Variants in NUF2 observed in about 807,000 individuals in gnomAD.
NUF2 encodes the protein kinetochore protein Nuf2.
NUF2 carries 34 observed loss-of-function variants against 61.8 expected under a neutral mutation model. The ratio of observed to expected loss-of-function variants is 0.55; its 90% CI spans 0.42 to 0.73. The LOEUF is 0.73. Ranked by LOEUF, NUF2 falls within the 30% of genes least tolerant of loss-of-function variation. The pLI is 0.00. For missense variants in NUF2, 445 were observed against 539.1 expected (o/e 0.83, Z 1.73); for synonymous variants, 172 against 181.6 (o/e 0.95, Z 0.42).
chr1:163,351,892 T>C (rs1483216112), intron 13 of NUF2, among the ~76,000 whole-genome samples: 1 of 152,224 alleles, frequency 6.6e-6, no homozygotes, highest in Non-Finnish European at 1.5e-5. Flanking sequence ...TTCTTTCCCA[T>C]AGATAATTTA....
At position 163,355,606 on chromosome 1, in the gene NUF2, G is replaced by A. The variant is rs1571406402; in HGVS notation, c.*137G>A. On this transcript the variant is annotated 3_prime_UTR_variant, in exon 14 of 14. Coordinates refer to ENST00000271452, the MANE Select transcript of NUF2 (RefSeq NM_145697.3). ...CATCAGTTTTTATACACTCTCATAA[G>A]TAGTTAATAAGATGAATTTAATGTA... The A allele has an allele frequency of 3.8e-6, 2 of 519,998 alleles. No homozygotes were observed. The highest frequency in any genetic ancestry group is 4.9e-5 in the South Asian group (1 of 20,426). 32.2% of individuals were successfully genotyped at this position (519,998 alleles called of 1,614,324 possible).
intron 13 of NUF2, among the ~76,000 whole-genome samples, chr1:163,353,899 A>G (rs927513028): frequency 1.3e-5 from 2 of 152,144 alleles, no homozygotes; most frequent in Admixed American, 6.5e-5. Context: ...TCTCGGAAGG[A>G]AAGTATTCCT....
At chr1:163,340,203 A>G in intron 8 of NUF2, 161 bp from the exon 9 acceptor site, 1 of 553,282 alleles carries the variant, frequency 1.8e-6, no homozygotes, top group South Asian at 2.7e-5. Context: ...GAACTCTTAG[A>G]TATTTCTTTT....
chr1:163,328,204 G>A (rs774824608), intron 3 of NUF2, 24 bp from the exon 4 acceptor site: 11 of 1,517,458 alleles, frequency 7.2e-6, no homozygotes, highest in East Asian at 4.5e-5. Context: ...GTGTAATGTC[G>A]ATTTTGTGGT....
At chr1:163,344,472 C>T (rs149442508) in intron 10 of NUF2, among the ~76,000 whole-genome samples, 2 of 141,204 alleles carry the variant, frequency 1.4e-5, no homozygotes, top group East Asian at 4.2e-4. Flanking sequence ...AAAAAAAAGA[C>T]GCTTTTCATT....
At chr1:163,325,070 T>C (rs1650373157) in intron 1 of NUF2, among the ~76,000 whole-genome samples, 1 of 152,026 alleles carries the variant, frequency 6.6e-6, no homozygotes, top group African/African-American at 2.4e-5. Context: ...CTAATTTTTA[T>C]GTGTTTTGTA....
In NUF2 at chr1:163,328,265, T is replaced by C; in HGVS notation, c.236T>C (p.Met79Thr). Residue 79 changes from methionine to threonine, a missense_variant, in exon 4 of 14, where the codon ATG (methionine) becomes ACG (threonine). Met to Thr is a moderately conservative substitution (Grantham distance 81). Transcript: ENST00000271452. The part of the protein sequence containing the change: ...VNSEVMYPHL[M>T]EGFLPFSNLV... Reference sequence around the variant, plus strand: ...TCTGAAGTCATGTATCCACATTTAATGGAAGGCTTCTTACCATTCAGCAAT... The same window carrying C: ...TCTGAAGTCATGTATCCACATTTAACGGAAGGCTTCTTACCATTCAGCAAT... 6.2e-7 allele frequency: 1 copy of C among 1,609,452 alleles called. No homozygotes were observed. The highest frequency in any genetic ancestry group is 1.3e-5 in the African/African-American group (1 of 74,968).
chr1:163,346,769 C>T (rs1457026322), intron 11 of NUF2, among the ~76,000 whole-genome samples: 1 of 152,078 alleles, frequency 6.6e-6, no homozygotes. Context: ...GTGGGAGGAT[C>T]ACTTGAGTCA....
At chr1:163,332,737 T>C (rs1363272299) in intron 5 of NUF2, among the ~76,000 whole-genome samples, 1 of 152,198 alleles carries the variant, frequency 6.6e-6, no homozygotes, top group Non-Finnish European at 1.5e-5. Context: ...ACTTTCCTCT[T>C]ATAAAGACAC....
chr1:163,343,886 AT>A lies in NUF2; in HGVS notation c.807+20del. The A allele has an allele frequency of 7.3e-7, 1 of 1,378,848 alleles. No homozygotes were observed. Among genetic ancestry groups the A allele is most frequent in the Non-Finnish European group, 9.5e-7 (1 of 1,049,298 alleles). 85.4% of individuals were successfully genotyped at this position (1,378,848 alleles called of 1,614,324 possible). Reference sequence around the variant, plus strand: ...AAATGCCAGAGTGAGTTTTCTTTTTATTTTAATGCTTTTGTATCTAAAAAAA... The same window carrying A: ...AAATGCCAGAGTGAGTTTTCTTTTTATTTAATGCTTTTGTATCTAAAAAAA... On this transcript the variant is annotated intron_variant, in intron 10 of 13. Coordinates refer to ENST00000271452, the MANE Select transcript of NUF2 (RefSeq NM_145697.3).
chr1:163,353,480 G>A (rs976162734), intron 13 of NUF2, among the ~76,000 whole-genome samples: 1 of 152,122 alleles, frequency 6.6e-6, no homozygotes, highest in Non-Finnish European at 1.5e-5. Context: ...TGTGGCTGGT[G>A]CAACTGAGGG....
intron 13 of NUF2, 22 bp downstream of exon 13, chr1:163,349,102 G>T: frequency 6.3e-7 from 1 of 1,579,354 alleles, no homozygotes; most frequent in Non-Finnish European, 8.6e-7. Context: ...TTCATAAGAA[G>T]TTAATTTCAA....
chr1:163,326,344 A>G (rs1248914061), intron 2 of NUF2, among the ~76,000 whole-genome samples, 170 bp downstream of exon 2: 1 of 151,798 alleles, frequency 6.6e-6, no homozygotes, highest in African/African-American at 2.4e-5. Flanking sequence ...CACTAAGTTT[A>G]TATGTGTGGT....
chr1:163,331,953 C>G (rs1650611958), intron 5 of NUF2, among the ~76,000 whole-genome samples: 1 of 151,278 alleles, frequency 6.6e-6, no homozygotes, highest in Non-Finnish European at 1.5e-5. Context: ...TTCTGTATTT[C>G]TGGTTTTTGA....
rs376392540 is a variant in NUF2, at chr1:163,333,397, T to C, written c.338-3354T>C. Among the ~76,000 whole-genome samples the C allele has an allele frequency of 4.1e-4, 63 of 152,280 alleles. No individual in the cohort carries two copies. In the East Asian group the frequency reaches 0.012, roughly 28 times the overall value. On this transcript the variant is annotated intron_variant, in intron 5 of 13. Transcript: ENST00000271452. Reference sequence around the variant, plus strand: ...CTTTTAATCGGAGTCTTAGACCATTTACATTTAATGTTATTATTGATATGA... The same window carrying C: ...CTTTTAATCGGAGTCTTAGACCATTCACATTTAATGTTATTATTGATATGA...
intron 7 of NUF2, 144 bp downstream of exon 7, chr1:163,338,237 T>TA (rs11330875): frequency 0.24 from 89,646 of 368,356 alleles, 4,985 homozygotes; most frequent in Non-Finnish European, 0.27. Context: ...TGCCTTTTCT[T>TA]AAAAAAAAAA....
chr1:163,341,322 G>T (rs1425713892), intron 9 of NUF2, among the ~76,000 whole-genome samples: 1 of 152,052 alleles, frequency 6.6e-6, no homozygotes, highest in Admixed American at 6.6e-5. Flanking sequence ...CGATTCTTCT[G>T]CCTCAGCCTC....
chr1:163,351,134 A>T (rs1405656482), intron 13 of NUF2, among the ~76,000 whole-genome samples: 1 of 152,026 alleles, frequency 6.6e-6, no homozygotes, highest in Non-Finnish European at 1.5e-5. Flanking sequence ...ATTTACTGTC[A>T]TCTCTGTTTC....
intron 11 of NUF2, chr1:163,346,205 T>A (rs1391503165): frequency 6.6e-6 from 1 of 151,954 alleles, no homozygotes; most frequent in East Asian, 1.9e-4. Flanking sequence ...ATGATAAAGT[T>A]TAATTTAAAA....
Sources: gnomAD v4.1 joint callset for allele counts (sites outside exome capture counted in the v4.1 genomes callset) on GRCh38, gnomAD v4.1.1 for gene constraint, MANE v1.5 for transcripts, NCBI Gene and HGNC (gene_info 2026-07-23, HGNC 2026-07-21) for gene names.